The following CACNA2D4 variants were observed in gnomAD, a reference collection of about 807,000 sequenced individuals.
CACNA2D4 encodes the protein calcium voltage-gated channel auxiliary subunit alpha2delta 4, also known as voltage-dependent calcium channel subunit alpha-2/delta-4.
In CACNA2D4, 157 loss-of-function variants were observed where a neutral mutation model predicts 163.8. The ratio of observed to expected loss-of-function variants is 0.96; its 90% CI spans 0.84 to 1.09. CACNA2D4 has a LOEUF of 1.09. Among genes scored for constraint, CACNA2D4 ranks in the 50% least tolerant of loss-of-function variants. The pLI, the probability that CACNA2D4 is intolerant of heterozygous loss-of-function variation, is 0.00. For synonymous variants in CACNA2D4, 598 were observed against 586.9 expected (o/e 1.02, Z -0.27); for missense variants, 1,410 against 1,479.9 (o/e 0.95, Z 0.78).
intron 26 of CACNA2D4, among the ~76,000 whole-genome samples, chr12:1,812,081 T>C (rs924496395): frequency 7.2e-5 from 11 of 152,072 alleles, no homozygotes; most frequent in Non-Finnish European, 1.5e-4. Flanking sequence ...GATGGGAATA[T>C]AGAGGCCAGA....
chr12:1,890,767 C>T (rs558922678), intron 6 of CACNA2D4, among the ~76,000 whole-genome samples: 58 of 152,346 alleles, frequency 3.8e-4, no homozygotes, highest in African/African-American at 1.3e-3. Flanking sequence ...CTGTTCCCCC[C>T]ATCCAGTGCC....
Position 1,811,701 on chromosome 12 carries a change from C to T in CACNA2D4, c.2574G>A (p.Leu858=). 1 of 1,561,526 alleles carries T rather than the reference C, an allele frequency of 6.4e-7. No individual in the cohort carries two copies. Among genetic ancestry groups the T allele is most frequent in the Non-Finnish European group, 8.7e-7 (1 of 1,152,346 alleles). ...IAAAAGVQMK[L]EFLQRKFWAA... is the part of the protein sequence containing the mutation. Reference sequence around the variant, plus strand: ...CCCAGAATTTGCGCTGGAGGAATTCCAGCTTCATTTGGACGCCCGCGGCTA... The same window carrying T: ...CCCAGAATTTGCGCTGGAGGAATTCTAGCTTCATTTGGACGCCCGCGGCTA... The change falls in exon 27 of 38, where the codon CTG becomes CTA. Residue 858 remains leucine, a synonymous_variant. Coordinates refer to ENST00000382722, the MANE Select transcript of CACNA2D4 (RefSeq NM_172364.5).
At position 1,855,718 on chromosome 12, in the gene CACNA2D4, T is replaced by C. The variant is rs548207653; in HGVS notation, c.2152+294A>G. Among the ~76,000 whole-genome samples, 376 of 152,338 alleles carry C rather than the reference T, an allele frequency of 2.5e-3. 5 individuals carry two copies. Among genetic ancestry groups the C allele is most frequent in the African/African-American group, 8.5e-3 (355 of 41,574 alleles). ...ATGACAGACTCTGAATGGTGCTTTC[T>C]CCTGACCCTTAACAGAGCTTGGTGG... On this transcript the variant is annotated intron_variant, in intron 22 of 37. Transcript: ENST00000382722.
chr12:1,876,353 T>C (rs757435901), intron 16 of CACNA2D4, among the ~76,000 whole-genome samples: 5 of 152,194 alleles, frequency 3.3e-5, no homozygotes, highest in Non-Finnish European at 7.3e-5. Context: ...ATCAACATGC[T>C]GAGTGTTATT....
chr12:1,908,131 G>A, intron 4 of CACNA2D4, 94 bp from the exon 5 acceptor site: 1 of 1,294,038 alleles, frequency 7.7e-7, no homozygotes, highest in Non-Finnish European at 1.1e-6. Context: ...AGGACGAGAG[G>A]GCCGGGGCCG....
chr12:1,908,245 G>C (rs1866716251), intron 4 of CACNA2D4, among the ~76,000 whole-genome samples: 1 of 152,264 alleles, frequency 6.6e-6, no homozygotes, highest in African/African-American at 2.4e-5. Flanking sequence ...AGAGGCGTGA[G>C]GCCGACGTTT....
intron 26 of CACNA2D4, among the ~76,000 whole-genome samples, chr12:1,826,403 C>T (rs1376734501): frequency 3.8e-5 from 1 of 26,068 alleles, no homozygotes; most frequent in Non-Finnish European, 9.8e-5. Context: ...ACCCAGAGCC[C>T]CCCCCCCCCC....
intron 24 of CACNA2D4, among the ~76,000 whole-genome samples, chr12:1,846,333 A>G (rs546074352): frequency 1.4e-4 from 21 of 152,254 alleles, no homozygotes; most frequent in Admixed American, 3.3e-4. Flanking sequence ...ACCCACCACC[A>G]GGATGTGTAA....
At chr12:1,910,146 A>G (rs1476277206) in intron 3 of CACNA2D4, among the ~76,000 whole-genome samples, 181 bp from the exon 4 acceptor site, 2 of 152,258 alleles carry the variant, frequency 1.3e-5, no homozygotes, top group Non-Finnish European at 2.9e-5. Context: ...ACTATGCACA[A>G]CAGACAAAAG....
intron 37 of CACNA2D4, 118 bp from the exon 38 acceptor site, chr12:1,793,877 G>A (rs1370872710): frequency 6.7e-6 from 5 of 748,444 alleles, no homozygotes; most frequent in South Asian, 1.7e-5. Flanking sequence ...TTGGAAAGCC[G>A]GGGAAGCACT....
chr12:1,869,716 A>G lies in CACNA2D4; in HGVS notation c.1878+4888T>C, dbSNP rs186245756. On this transcript the variant is annotated intron_variant, in intron 18 of 37. Transcript: ENST00000382722. The surrounding 1 kb of genome is among the most constrained non-coding windows in gnomAD (Gnocchi z 4.7). ...AGCTCCCACAGTTTCATAAGGTCTA[A>G]TCCCTACGATAAAATCCTACATTCT... is the stretch of plus-strand genomic sequence containing the variant. Among the ~76,000 whole-genome samples the G allele has an allele frequency of 1.2e-4, 19 of 152,238 alleles. No homozygotes were observed. Among genetic ancestry groups the G allele is most frequent in the African/African-American group, 4.3e-4 (18 of 41,504 alleles).
intron 26 of CACNA2D4, among the ~76,000 whole-genome samples, chr12:1,838,875 G>A (rs1864950208): frequency 6.6e-6 from 1 of 152,146 alleles, no homozygotes; most frequent in South Asian, 2.1e-4. Flanking sequence ...TCAAAGTTTG[G>A]CCTGGAAATT....
chr12:1,870,202 C>T (rs967569167), intron 18 of CACNA2D4, among the ~76,000 whole-genome samples: 6 of 152,300 alleles, frequency 3.9e-5, no homozygotes, highest in Admixed American at 6.5e-5. Flanking sequence ...CCCTACTACA[C>T]GTGCAAAAGC....
chr12:1,879,466 C>G (rs1459077293), intron 14 of CACNA2D4, among the ~76,000 whole-genome samples: 9 of 152,196 alleles, frequency 5.9e-5, no homozygotes, highest in African/African-American at 2.2e-4. Flanking sequence ...AAGTTAGAGT[C>G]TGCACAACCT....
chr12:1,886,437 G>A, intron 7 of CACNA2D4, 64 bp from the exon 8 acceptor site: 4 of 1,485,778 alleles, frequency 2.7e-6, no homozygotes, highest in Non-Finnish European at 3.7e-6. Context: ...ACCTGACCAA[G>A]GGGTCTGCAG....
At chr12:1,862,547 G>A (rs968446477) in intron 18 of CACNA2D4, among the ~76,000 whole-genome samples, 1 of 152,088 alleles carries the variant, frequency 6.6e-6, no homozygotes, top group Non-Finnish European at 1.5e-5. Context: ...TGAGTAGCTG[G>A]CACCACAGGC....
rs543028073 is a variant in CACNA2D4, at chr12:1,916,510, T to C, written c.228-1575A>G. Among the ~76,000 whole-genome samples, 4 of 152,250 alleles carry C rather than the reference T, an allele frequency of 2.6e-5. No homozygotes were observed. In the East Asian group the frequency reaches 7.7e-4, roughly 29 times the overall value. Reference sequence around the variant, plus strand: ...CAGGAGGGCTCTCTCAAGGAGAGTGTGCAGCGTGAGATCTCTGAGCGTCGA... The same window carrying C: ...CAGGAGGGCTCTCTCAAGGAGAGTGCGCAGCGTGAGATCTCTGAGCGTCGA... On this transcript the variant is annotated intron_variant, in intron 1 of 37. Coordinates refer to ENST00000382722, the MANE Select transcript of CACNA2D4 (RefSeq NM_172364.5).
At chr12:1,809,193 T>C (rs886581062) in intron 29 of CACNA2D4, among the ~76,000 whole-genome samples, 3 of 152,208 alleles carry the variant, frequency 2.0e-5, no homozygotes, top group African/African-American at 7.2e-5. Flanking sequence ...CCTGCCCTGT[T>C]CCGACGACTT....
At chr12:1,914,813 C>G in intron 2 of CACNA2D4, 41 bp downstream of exon 2, 1 of 1,414,138 alleles carries the variant, frequency 7.1e-7, no homozygotes, top group Non-Finnish European at 1.0e-6. Context: ...GGCTGACTGC[C>G]CTCTGCCACC....
Sources: allele counts gnomAD v4.1 joint callset (sites outside exome capture counted in the v4.1 genomes callset), GRCh38; gene constraint gnomAD v4.1.1; non-coding constraint Gnocchi (gnomAD v3.1); transcripts MANE v1.5; gene names NCBI Gene and HGNC (gene_info 2026-07-23, HGNC 2026-07-21).